Variants in EFTUD2 observed in about 807,000 individuals in gnomAD.
The protein encoded by EFTUD2 is elongation factor Tu GTP binding domain containing 2, also known as 116 kDa U5 small nuclear ribonucleoprotein component.
A neutral mutation model predicts 114.3 loss-of-function variants in EFTUD2; 9 were observed. The observed-to-expected ratio is 0.08, with a 90% CI of 0.05 to 0.14. EFTUD2 has a LOEUF of 0.14. Among genes scored for constraint, EFTUD2 ranks in the 10% least tolerant of loss-of-function variants. The pLI is 1.00. For missense variants in EFTUD2, 765 were observed against 1,241.2 expected, an observed-to-expected ratio of 0.62 and a Z score of 5.76; for synonymous variants, 449 against 462.3, an observed-to-expected ratio of 0.97 and a Z score of 0.37.
chr17:44,857,266 C>A, intron 19 of EFTUD2, 109 bp from the exon 20 acceptor site: 1 of 864,360 alleles, frequency 1.2e-6, no homozygotes, highest in Non-Finnish European at 1.9e-6. Context: ...TGTGAAAACC[C>A]CAACTGCCTT....
chr17:44,891,522 A>G (rs1046393765), intron 2 of EFTUD2, among the ~76,000 whole-genome samples: 8 of 152,018 alleles, frequency 5.3e-5, no homozygotes, highest in African/African-American at 1.7e-4. Context: ...GCTAATTTTT[A>G]AATTTTTTGT....
intron 1 of EFTUD2, among the ~76,000 whole-genome samples, chr17:44,897,372 T>G (rs975025400): frequency 6.6e-6 from 1 of 152,152 alleles, no homozygotes; most frequent in African/African-American, 2.4e-5. Context: ...AATTTTAAAA[T>G]AATACCAAAA....
chr17:44,856,976 C>T (rs1262138358), intron 20 of EFTUD2, 99 bp downstream of exon 20: 2 of 993,866 alleles, frequency 2.0e-6, no homozygotes, highest in Non-Finnish European at 3.2e-6. Context: ...GTAGAGGTCT[C>T]TATGTGCATA....
chr17:44,894,343 C>T (rs953103859), intron 2 of EFTUD2, 74 bp downstream of exon 2: 1 of 1,310,194 alleles, frequency 7.6e-7, no homozygotes, highest in Non-Finnish European at 1.1e-6. Flanking sequence ...GCACTCCAAC[C>T]TGGCAAGAGA....
intron 16 of EFTUD2, among the ~76,000 whole-genome samples, chr17:44,861,397 A>G (rs2050656389): frequency 6.7e-6 from 1 of 149,686 alleles, no homozygotes; most frequent in South Asian, 2.1e-4. Context: ...GTGAGCCGCA[A>G]TCACGCCATT....
chr17:44,859,038 A>C lies in EFTUD2; in HGVS notation c.1962+42T>G, dbSNP rs750897363. ...TTCAAGGATTTGGTCACTTGTGAAA[A>C]GTCTGGACCGTGAACCCAGCTCCCG... On this transcript the variant is annotated intron_variant, in intron 19 of 27. Transcript: ENST00000426333. The C allele has an allele frequency of 3.8e-6, 5 of 1,313,970 alleles. No homozygotes were observed. In the East Asian group the frequency reaches 1.1e-4, roughly 30 times the overall value. 81.4% of individuals were successfully genotyped at this position (1,313,970 alleles called of 1,614,324 possible). A position where few individuals can be genotyped will look rare whatever the true frequency, so the allele number is the denominator to read the frequency against.
intron 20 of EFTUD2, among the ~76,000 whole-genome samples, chr17:44,855,385 AC>A (rs1239520633): frequency 6.6e-6 from 1 of 152,070 alleles, no homozygotes; most frequent in African/African-American, 2.4e-5. Flanking sequence ...ACATGGTGAA[AC>A]CCCATCTCTA....
chr17:44,884,518 C>CG (rs897059771), intron 4 of EFTUD2, among the ~76,000 whole-genome samples: 3 of 118,408 alleles, frequency 2.5e-5, no homozygotes, highest in African/African-American at 9.6e-5. Context: ...GACCCCGCAT[C>CG]GAAAAAAAAA....
chr17:44,870,050 A>G (rs1035228887), intron 11 of EFTUD2, among the ~76,000 whole-genome samples: 2 of 152,206 alleles, frequency 1.3e-5, no homozygotes, highest in African/African-American at 4.8e-5. Context: ...GTTTCCCCTC[A>G]TGTAAAATGA....
rs73984100 is a variant in EFTUD2 at position 44,852,617 on chromosome 17, G to T, written c.2562-55C>A. 358,411 of 1,592,366 alleles carry T rather than the reference G, an allele frequency of 0.23. 42,958 individuals carry two copies. Among genetic ancestry groups the T allele is most frequent in the Non-Finnish European group, 0.25 (293,949 of 1,166,684 alleles). On this transcript the variant is annotated intron_variant, in intron 25 of 27. Coordinates refer to ENST00000426333, the MANE Select transcript of EFTUD2 (RefSeq NM_004247.4). The stretch of plus-strand genomic sequence containing the variant: ...TAGTCAAACATAGGCCAAAAGCCAA[G>T]AAGCAATCCAGCATTTGCTGTCCCC...
intron 17 of EFTUD2, 43 bp downstream of exon 17, chr17:44,860,389 A>G: frequency 7.2e-7 from 1 of 1,390,100 alleles, no homozygotes; most frequent in Non-Finnish European, 1.0e-6. Context: ...CCCTGGGACC[A>G]TCTAGCTTAA....
At chr17:44,867,425 G>A (rs1173802645) in intron 13 of EFTUD2, among the ~76,000 whole-genome samples, 2 of 150,398 alleles carry the variant, frequency 1.3e-5, no homozygotes, top group African/African-American at 4.9e-5. Context: ...TTAGCCTCCC[G>A]AGTAGCTGGG....
intron 19 of EFTUD2, among the ~76,000 whole-genome samples, chr17:44,858,821 C>T (rs1484586191): frequency 3.9e-5 from 6 of 152,104 alleles, no homozygotes; most frequent in Non-Finnish European, 7.4e-5. Context: ...TTCCTGGCTA[C>T]AAGCAATCCT....
intron 13 of EFTUD2, among the ~76,000 whole-genome samples, chr17:44,865,723 C>T (rs11658874): frequency 0.26 from 39,862 of 152,020 alleles, 5,287 homozygotes; most frequent in Non-Finnish European, 0.28. Context: ...TTTATTACTG[C>T]CTTGGGAGAA....
intron 5 of EFTUD2, chr17:44,883,437 T>A (rs2051109119): frequency 1.6e-6 from 1 of 613,326 alleles, no homozygotes; most frequent in South Asian, 2.0e-5. Flanking sequence ...GACATAAGGC[T>A]CAGGCATGCA....
rs1215725652 is a variant in EFTUD2, at chr17:44,886,633, G to A, written c.223C>T (p.Pro75Ser). 6.2e-7 allele frequency: 1 copy of A among 1,613,996 alleles called. No individual in the cohort carries two copies. The highest frequency in any genetic ancestry group is 8.5e-7 in the Non-Finnish European group (1 of 1,180,030). Residue 75 changes from proline (P) to serine (S), a missense_variant, in exon 3 of 28, where the codon CCT becomes TCT. By Grantham distance (74) the Pro-to-Ser change is moderately conservative (BLOSUM62 -1). This residue lies in a region of EFTUD2 where 121 missense variants were observed against 133.7 expected (regional missense o/e 0.90). Transcript: ENST00000426333. ...TCTTGAACTATGGTCTCCACCTCAG[G>A]ACCATACACCTCCTCGGCTGTTGGG... is the stretch of plus-strand genomic sequence containing the variant. ...YYPTAEEVYG[P>S]EVETIVQEED...
chr17:44,882,080 G>A (rs1450389980), intron 6 of EFTUD2, among the ~76,000 whole-genome samples: 2 of 152,076 alleles, frequency 1.3e-5, no homozygotes, highest in South Asian at 2.1e-4. Context: ...GATTGCAGAC[G>A]TGCGCCACCA....
Position 44,851,137 on chromosome 17 carries a change from G to A in EFTUD2, c.*137C>T. The A allele has an allele frequency of 1.4e-6, 1 of 722,566 alleles. No individual in the cohort carries two copies. The highest frequency in any genetic ancestry group is 2.5e-6 in the Non-Finnish European group (1 of 407,168). The allele number at this position is 722,566 out of a possible 1,614,324, so 44.8% of individuals were successfully genotyped here. ...CACTGGGGCTCTGGGTTGGAGGTTGGTGAGTTGTTCAAGATGGCAACAGCA... is the reference window on the plus strand; with the variant it reads ...CACTGGGGCTCTGGGTTGGAGGTTGATGAGTTGTTCAAGATGGCAACAGCA... On this transcript the variant is annotated 3_prime_UTR_variant, in exon 28 of 28. Coordinates refer to ENST00000426333, the MANE Select transcript of EFTUD2 (RefSeq NM_004247.4).
At chr17:44,871,251 C>T (rs970188309) in intron 11 of EFTUD2, among the ~76,000 whole-genome samples, 1 of 152,046 alleles carries the variant, frequency 6.6e-6, no homozygotes, top group East Asian at 1.9e-4. Flanking sequence ...TCTCAAACTA[C>T]TGGGCTCAAG....
Sources: allele counts gnomAD v4.1 joint callset (sites outside exome capture counted in the v4.1 genomes callset), GRCh38; gene constraint gnomAD v4.1.1; regional missense constraint gnomAD v4.1.1; transcripts MANE v1.5; gene names NCBI Gene and HGNC (gene_info 2026-07-23, HGNC 2026-07-21).